STK32C: variants seen among roughly 807,000 people sequenced by gnomAD.
The protein encoded by STK32C is serine/threonine kinase 32C, also known as serine/threonine-protein kinase 32C.
Under a neutral mutation model 56.5 loss-of-function variants are expected in STK32C, and 31 were observed. The observed-to-expected ratio is 0.55, with a 90% CI of 0.41 to 0.74. STK32C has a LOEUF of 0.74. Among genes scored for constraint, STK32C ranks in the 30% least tolerant of loss-of-function variants. The probability of loss-of-function intolerance (pLI) is 0.00; values close to 1 mark genes in which losing one functional copy is unlikely to be tolerated. For synonymous variants in STK32C, 309 were observed against 289.4 expected (o/e 1.07, Z -0.69); for missense variants, 544 against 676.9 (o/e 0.80, Z 2.18).
chr10:132,281,091 GCACTGCACTCCATGATCATGC>G (rs1429879956), intron 1 of STK32C, among the ~76,000 whole-genome samples: 1 of 148,786 alleles, frequency 6.7e-6, no homozygotes, highest in Admixed American at 6.7e-5. Context: ...TGTGATCATG[GCACTGCACTCCATGATCATGC>G]CACTGCACTC....
intron 10 of STK32C, among the ~76,000 whole-genome samples, chr10:132,212,850 G>A (rs1208876427): frequency 6.6e-6 from 1 of 152,236 alleles, no homozygotes; most frequent in Non-Finnish European, 1.5e-5. Flanking sequence ...AGAGAGCTGA[G>A]GTCAAAGCGC....
Position 132,225,627 on chromosome 10 carries a change from A to T in STK32C, c.683-11T>A, listed in dbSNP as rs2062859435. ...TCAGGTGTGCATGTCCTGTGCAGAG[A>T]GGGGTCAGGTGTGGCTGTCCCAGGA... On this transcript the variant is annotated splice_polypyrimidine_tract_variant and intron_variant, in intron 5 of 11. Coordinates refer to ENST00000298630, the MANE Select transcript of STK32C (RefSeq NM_173575.4). The T allele has an allele frequency of 6.2e-7, 1 of 1,610,316 alleles. No individual in the cohort carries two copies. Among genetic ancestry groups the T allele is most frequent in the South Asian group, 1.1e-5 (1 of 90,814 alleles).
chr10:132,236,892 T>C (rs1010479813), intron 2 of STK32C, among the ~76,000 whole-genome samples: 4 of 152,182 alleles, frequency 2.6e-5, no homozygotes, highest in Non-Finnish European at 5.9e-5. Context: ...ACTCCCTGCT[T>C]GTGCCCCCGA....
intron 1 of STK32C, among the ~76,000 whole-genome samples, chr10:132,272,892 G>A (rs1303932462): frequency 1.3e-5 from 2 of 152,124 alleles, no homozygotes; most frequent in Non-Finnish European, 2.9e-5. Flanking sequence ...CACCCTCCCT[G>A]TGCCTGACTC....
Position 132,264,760 on chromosome 10 carries a change from C to T in STK32C, c.263-18805G>A, listed in dbSNP as rs1217026860. Among the ~76,000 whole-genome samples the T allele has an allele frequency of 2.0e-5, 3 of 152,282 alleles. No homozygotes were observed. The East Asian group carries it at 5.8e-4, about 29-fold the overall frequency. On this transcript the variant is annotated intron_variant, in intron 1 of 11. Transcript: ENST00000298630. ...AGCCAGCGAGGTGGGACCTAGCAGA[C>T]AGCACAGTCTTCTTTTTCAAGACGA... is the stretch of plus-strand genomic sequence containing the variant.
At chr10:132,293,407 C>T (rs1338450220) in intron 1 of STK32C, among the ~76,000 whole-genome samples, 1 of 152,280 alleles carries the variant, frequency 6.6e-6, no homozygotes, top group Non-Finnish European at 1.5e-5. Flanking sequence ...CCACTCCAGC[C>T]CCTGGTGGCT....
intron 1 of STK32C, among the ~76,000 whole-genome samples, chr10:132,304,343 C>T (rs2065996583): frequency 6.6e-6 from 1 of 152,196 alleles, no homozygotes; most frequent in African/African-American, 2.4e-5. Context: ...CAAACCCCCC[C>T]AGTTCACCCA....
upstream of STK32C, chr10:132,332,103 G>C (rs374354348): frequency 4.5e-6 from 1 of 222,972 alleles, no homozygotes; most frequent in Non-Finnish European, 8.8e-6. Flanking sequence ...CCTCGCGCAG[G>C]CGCATCACAG....
At chr10:132,287,220 C>T (rs904565796) in intron 1 of STK32C, among the ~76,000 whole-genome samples, 4 of 152,164 alleles carry the variant, frequency 2.6e-5, no homozygotes, top group South Asian at 2.1e-4. Context: ...TGGCCAGGCA[C>T]GGTGGCTCAC....
intron 1 of STK32C, among the ~76,000 whole-genome samples, chr10:132,318,918 C>T (rs1266410388): frequency 6.6e-6 from 1 of 151,364 alleles, no homozygotes; most frequent in Non-Finnish European, 1.5e-5. Flanking sequence ...GAACTGGAGT[C>T]CATATTTTGT....
At chr10:132,265,321 C>T (rs114021840) in intron 1 of STK32C, among the ~76,000 whole-genome samples, 4,672 of 151,346 alleles carry the variant, frequency 0.031, 137 homozygotes, top group African/African-American at 0.064. Context: ...TCTTCTCCTT[C>T]GATGACAGCC....
At chr10:132,306,706 A>G (rs1461527183) in intron 1 of STK32C, among the ~76,000 whole-genome samples, 1 of 152,276 alleles carries the variant, frequency 6.6e-6, no homozygotes, top group Non-Finnish European at 1.5e-5. Flanking sequence ...GTATTTTAAG[A>G]AAATGTCAAA....
At chr10:132,273,224 C>A (rs60592156) in intron 1 of STK32C, among the ~76,000 whole-genome samples, 16,300 of 152,128 alleles carry the variant, frequency 0.11, 1,364 homozygotes, top group African/African-American at 0.23. Context: ...ATAGAGCTTT[C>A]TGTGCTCACT....
intron 1 of STK32C, among the ~76,000 whole-genome samples, chr10:132,279,547 C>T (rs1313420220): frequency 6.6e-6 from 1 of 151,972 alleles, no homozygotes; most frequent in Non-Finnish European, 1.5e-5. Flanking sequence ...ATGGCCAGAG[C>T]ACAGGAGGTC....
intron 1 of STK32C, among the ~76,000 whole-genome samples, chr10:132,326,013 G>A (rs1017484253): frequency 2.0e-5 from 3 of 152,110 alleles, no homozygotes; most frequent in Admixed American, 6.6e-5. Flanking sequence ...GAGCCACCAC[G>A]CTGGCCGGTA....
intron 2 of STK32C, among the ~76,000 whole-genome samples, chr10:132,245,608 A>C (rs1370255007): frequency 6.6e-6 from 1 of 152,222 alleles, no homozygotes; most frequent in East Asian, 1.9e-4. Flanking sequence ...AGCCGCAGGC[A>C]CAGCCTGGCC....
At chr10:132,292,185 T>C (rs1329669350) in intron 1 of STK32C, among the ~76,000 whole-genome samples, 1 of 152,096 alleles carries the variant, frequency 6.6e-6, no homozygotes, top group African/African-American at 2.4e-5. Context: ...GGACATCCAG[T>C]GCCAACATAA....
chr10:132,327,065 G>A (rs1351250591), intron 1 of STK32C, among the ~76,000 whole-genome samples: 1 of 152,184 alleles, frequency 6.6e-6, no homozygotes, highest in Non-Finnish European at 1.5e-5. Context: ...TTCAAGCTTA[G>A]AGGCTGATAC....
chr10:132,331,549 A>C, exon 1 of STK32C: 1 of 1,612,932 alleles, frequency 6.2e-7, no homozygotes, highest in South Asian at 1.1e-5. Flanking sequence ...ATTTGGGGAC[A>C]AGCAGCTCCT....
Sources: gnomAD v4.1 joint callset for allele counts (sites outside exome capture counted in the v4.1 genomes callset) on GRCh38, gnomAD v4.1.1 for gene constraint, MANE v1.5 for transcripts, NCBI Gene and HGNC (gene_info 2026-07-23, HGNC 2026-07-21) for gene names.